Variants in ROBO1 observed in about 807,000 individuals in gnomAD.
ROBO1 encodes the protein roundabout homolog 1.
Under a neutral mutation model 195.9 loss-of-function variants are expected in ROBO1, and 149 were observed. The observed-to-expected ratio is 0.76, with a 90% confidence interval of 0.67 to 0.87. ROBO1 has a LOEUF of 0.87. Among genes scored for constraint, ROBO1 ranks in the 40% least tolerant of loss-of-function variants. The probability of loss-of-function intolerance (pLI) is 0.00; values close to 1 mark genes in which losing one functional copy is unlikely to be tolerated. For synonymous variants in ROBO1, 816 were observed against 733.2 expected (o/e 1.11, Z -1.82); for missense variants, 1,933 against 2,068.3 (o/e 0.93, Z 1.27).
intron 2 of ROBO1, among the ~76,000 whole-genome samples, chr3:79,386,157 T>G (rs2036735108): frequency 6.6e-6 from 1 of 152,076 alleles, no homozygotes. Context: ...TGCATTTTAA[T>G]TAGAAACAGA....
chr3:79,332,344 T>C (rs541684899), intron 2 of ROBO1, among the ~76,000 whole-genome samples: 11 of 152,104 alleles, frequency 7.2e-5, no homozygotes, highest in Non-Finnish European at 1.5e-4. Context: ...CAAAAGTGAA[T>C]CTGAAAACTG....
chr3:79,672,309 CTT>C (rs756660523), intron 1 of ROBO1, among the ~76,000 whole-genome samples: 1 of 150,856 alleles, frequency 6.6e-6, no homozygotes, highest in African/African-American at 2.5e-5. Flanking sequence ...CTGGGACACT[CTT>C]TACTCATAAT....
intron 1 of ROBO1, among the ~76,000 whole-genome samples, chr3:79,700,289 GTGTGTGTGTGTGTTTGTGTGTGTGTGTT>G (rs1357656126): frequency 4.1e-5 from 1 of 24,284 alleles, no homozygotes; most frequent in Non-Finnish European, 1.0e-4. Flanking sequence ...TGATGAACAC[GTGTGTGTGTGTGTTTGTGTGTGTGTGTT>G]TGTGTGTGTG....
chr3:79,080,462 TC>T (rs1413351425), intron 3 of ROBO1, among the ~76,000 whole-genome samples: 1 of 152,062 alleles, frequency 6.6e-6, no homozygotes, highest in East Asian at 1.9e-4. Flanking sequence ...GACATTAGAT[TC>T]TTTCAATTAA....
At chr3:79,282,689 C>T (rs1039697050) in intron 2 of ROBO1, among the ~76,000 whole-genome samples, 6 of 152,086 alleles carry the variant, frequency 3.9e-5, no homozygotes, top group African/African-American at 4.8e-5. Context: ...GAAAATTTTA[C>T]GCATGTTGAG....
chr3:78,884,045 A>G (rs2036349667), intron 4 of ROBO1, among the ~76,000 whole-genome samples: 1 of 152,182 alleles, frequency 6.6e-6, no homozygotes, highest in African/African-American at 2.4e-5. Context: ...GAATGCAGAT[A>G]AAAGGAAAGG....
At chr3:78,911,109 G>T (rs1311950007) in intron 4 of ROBO1, among the ~76,000 whole-genome samples, 2 of 151,974 alleles carry the variant, frequency 1.3e-5, no homozygotes, top group African/African-American at 4.8e-5. Context: ...GTTTGTCACA[G>T]CACTAAATAA....
intron 5 of ROBO1, among the ~76,000 whole-genome samples, chr3:78,734,388 C>T (rs1325279210): frequency 1.2e-5 from 1 of 81,526 alleles, no homozygotes; most frequent in African/African-American, 5.0e-5. Context: ...TGGTGAGACC[C>T]CACCGCCACA....
chr3:79,613,241 T>C (rs1944719472), intron 1 of ROBO1, among the ~76,000 whole-genome samples: 1 of 152,074 alleles, frequency 6.6e-6, no homozygotes, highest in South Asian at 2.1e-4. Flanking sequence ...ACTACTATTT[T>C]ATAGGGTTAA....
At chr3:78,918,268 T>G (rs2038744490) in intron 4 of ROBO1, among the ~76,000 whole-genome samples, 1 of 152,036 alleles carries the variant, frequency 6.6e-6, no homozygotes, top group Non-Finnish European at 1.5e-5. Flanking sequence ...TCTATAGATG[T>G]AAAAGAAATC....
intron 2 of ROBO1, among the ~76,000 whole-genome samples, chr3:79,531,643 C>T (rs1280690442): frequency 3.9e-5 from 6 of 152,132 alleles, no homozygotes; most frequent in Admixed American, 3.9e-4. Flanking sequence ...ACTAGAAACG[C>T]TGGCAAAAAT....
At chr3:79,443,244 G>A (rs4524244) in intron 2 of ROBO1, among the ~76,000 whole-genome samples, 1 of 151,930 alleles carries the variant, frequency 6.6e-6, no homozygotes, top group Non-Finnish European at 1.5e-5. Flanking sequence ...AAGCAACCAA[G>A]GGATAAGCCT....
intron 1 of ROBO1, among the ~76,000 whole-genome samples, chr3:79,698,972 T>G (rs767502381): frequency 6.6e-6 from 1 of 151,394 alleles, no homozygotes; most frequent in African/African-American, 2.4e-5. Context: ...AATACAGGTC[T>G]GTATATTTAG....
At chr3:78,722,893 T>C (rs947135537) in intron 5 of ROBO1, among the ~76,000 whole-genome samples, 1 of 152,108 alleles carries the variant, frequency 6.6e-6, no homozygotes, top group Non-Finnish European at 1.5e-5. Flanking sequence ...ATGAAGATGA[T>C]GAAATAAACC....
chr3:79,325,944 G>A (rs2034189883), intron 2 of ROBO1, among the ~76,000 whole-genome samples: 1 of 152,076 alleles, frequency 6.6e-6, no homozygotes. Context: ...TCTCAGCAAG[G>A]AACATCCCTG....
rs182610490 is a variant in ROBO1, at chr3:79,581,135, T to C, written c.88+8689A>G. Among the ~76,000 whole-genome samples the C allele has an allele frequency of 7.2e-4, 109 of 150,888 alleles. 1 individual carries two copies. Among genetic ancestry groups the C allele is most frequent in the Admixed American group, 4.0e-4 (6 of 15,154 alleles). ...AATAGTTTTGTTTTTGTTTTTGTCT[T>C]GTTTTATTTATTTTATTTTTTTTAC... On this transcript the variant is annotated intron_variant, in intron 2 of 30. Transcript: ENST00000464233.
intron 3 of ROBO1, among the ~76,000 whole-genome samples, chr3:79,057,631 A>G (rs1559627457): frequency 6.6e-6 from 1 of 151,980 alleles, no homozygotes; most frequent in Non-Finnish European, 1.5e-5. Flanking sequence ...TGGAAATAAC[A>G]TCCCTCTGTT....
At chr3:79,620,753 T>G (rs188602263) in intron 1 of ROBO1, among the ~76,000 whole-genome samples, 25 of 152,044 alleles carry the variant, frequency 1.6e-4, no homozygotes, top group Admixed American at 1.6e-3. Context: ...GCACCCCTTA[T>G]CATCCCATTA....
At chr3:78,973,872 C>A (rs972832632) in intron 3 of ROBO1, among the ~76,000 whole-genome samples, 3 of 151,880 alleles carry the variant, frequency 2.0e-5, no homozygotes, top group Admixed American at 1.3e-4. Flanking sequence ...GTAGTACAGT[C>A]ACATTAAGTT....
Sources: gnomAD v4.1 joint callset for allele counts (sites outside exome capture counted in the v4.1 genomes callset) on GRCh38, gnomAD v4.1.1 for gene constraint, MANE v1.5 for transcripts, NCBI Gene and HGNC (gene_info 2026-07-23, HGNC 2026-07-21) for gene names.